The following FSTL5 variants were observed in gnomAD, a reference collection of about 807,000 sequenced individuals.
FSTL5 encodes the protein follistatin like 5.
FSTL5 carries 62 observed loss-of-function variants against 89.1 expected under a neutral mutation model. That is an observed-to-expected ratio of 0.70 (90% confidence interval 0.57 to 0.86). The LOEUF is 0.86. FSTL5 is among the 40% of genes least tolerant of loss of function. The probability of loss-of-function intolerance (pLI) is 0.00; values close to 1 mark genes in which losing one functional copy is unlikely to be tolerated. For missense variants in FSTL5, 1,057 were observed against 1,001.6 expected, an observed-to-expected ratio of 1.06 and a Z score of -0.75; for synonymous variants, 383 against 346.2, an observed-to-expected ratio of 1.11 and a Z score of -1.18.
At chr4:161,937,898 A>G (rs916180297) in intron 3 of FSTL5, among the ~76,000 whole-genome samples, 1 of 152,040 alleles carries the variant, frequency 6.6e-6, no homozygotes, top group Non-Finnish European at 1.5e-5. Flanking sequence ...ATATTCCTGA[A>G]CTTTCAGATA....
At chr4:161,891,013 C>T (rs1010157722) in intron 4 of FSTL5, among the ~76,000 whole-genome samples, 3 of 152,098 alleles carry the variant, frequency 2.0e-5, no homozygotes, top group Non-Finnish European at 2.9e-5. Context: ...TTTCTTTTCC[C>T]TAGAACCCTA....
chr4:161,840,801 G>A (rs930440), intron 4 of FSTL5, among the ~76,000 whole-genome samples: 11,812 of 152,108 alleles, frequency 0.078, 531 homozygotes, highest in African/African-American at 0.12. Context: ...TTATTAACTC[G>A]TATGAATGAA....
At chr4:161,780,708 T>G (rs533707765) in intron 4 of FSTL5, among the ~76,000 whole-genome samples, 2 of 152,284 alleles carry the variant, frequency 1.3e-5, no homozygotes, top group South Asian at 4.1e-4. Context: ...TGGCAGTGCC[T>G]CTCCAAGTCA....
intron 11 of FSTL5, 116 bp downstream of exon 11, chr4:161,510,282 A>G (rs62324275): frequency 0.18 from 127,963 of 699,334 alleles, 13,093 homozygotes; most frequent in East Asian, 0.35. Context: ...AATACCATCA[A>G]TTAAAATATT....
intron 4 of FSTL5, among the ~76,000 whole-genome samples, chr4:161,789,173 CT>C (rs202200393): frequency 1.3e-5 from 2 of 151,698 alleles, no homozygotes; most frequent in African/African-American, 2.4e-5. Flanking sequence ...TCTTAAATTA[CT>C]TTTTTTTCCT....
At chr4:161,571,609 T>C (rs1183851858) in intron 8 of FSTL5, among the ~76,000 whole-genome samples, 1 of 152,082 alleles carries the variant, frequency 6.6e-6, no homozygotes, top group Non-Finnish European at 1.5e-5. Context: ...ATTGAGAACC[T>C]TTATAAATAG....
intron 4 of FSTL5, among the ~76,000 whole-genome samples, chr4:161,830,669 T>C (rs1730815906): frequency 1.3e-5 from 2 of 151,984 alleles, no homozygotes; most frequent in South Asian, 4.1e-4. Flanking sequence ...TACAATTAAA[T>C]AAAAAGTGTC....
At chr4:161,676,145 G>A (rs191573812) in intron 6 of FSTL5, among the ~76,000 whole-genome samples, 103 of 152,174 alleles carry the variant, frequency 6.8e-4, no homozygotes, top group Non-Finnish European at 2.1e-4. Context: ...AAAATGTTTA[G>A]TAGGCATTCC....
chr4:161,657,357 T>C (rs908159023), intron 6 of FSTL5, among the ~76,000 whole-genome samples: 3 of 152,222 alleles, frequency 2.0e-5, no homozygotes, highest in Admixed American at 6.5e-5. Context: ...TTCTACATTA[T>C]GATTTGAGTC....
intron 8 of FSTL5, among the ~76,000 whole-genome samples, chr4:161,554,326 A>C (rs907613616): frequency 6.6e-6 from 1 of 151,582 alleles, no homozygotes; most frequent in Non-Finnish European, 1.5e-5. Context: ...TCTCTACATT[A>C]GGAAGAATCT....
At chr4:161,394,862 G>T (rs1206341718) in intron 15 of FSTL5, among the ~76,000 whole-genome samples, 2 of 152,146 alleles carry the variant, frequency 1.3e-5, no homozygotes, top group Non-Finnish European at 2.9e-5. Context: ...TGCTTTTAGG[G>T]TCTTCAAATT....
At chr4:161,634,180 A>T (rs917960483) in intron 7 of FSTL5, among the ~76,000 whole-genome samples, 1 of 152,204 alleles carries the variant, frequency 6.6e-6, no homozygotes. Context: ...CCATTTGTTC[A>T]TTTCCAAGTG....
intron 3 of FSTL5, among the ~76,000 whole-genome samples, chr4:161,973,516 C>G (rs1735543430): frequency 6.6e-6 from 1 of 152,118 alleles, no homozygotes; most frequent in Non-Finnish European, 1.5e-5. Context: ...GCAATAGAAA[C>G]AATCCTAAAT....
chr4:161,409,276 G>T (rs539306696), intron 15 of FSTL5, among the ~76,000 whole-genome samples: 1 of 152,110 alleles, frequency 6.6e-6, no homozygotes, highest in Non-Finnish European at 1.5e-5. Flanking sequence ...TTAAAGAAAA[G>T]AAATTTCAAT....
At chr4:161,518,833 A>G (rs1730928255) in intron 10 of FSTL5, among the ~76,000 whole-genome samples, 1 of 152,202 alleles carries the variant, frequency 6.6e-6, no homozygotes. Context: ...GTCTTTGCAA[A>G]TGTAGCTTGG....
At chr4:161,991,250 C>T (rs752521587) in intron 3 of FSTL5, among the ~76,000 whole-genome samples, 1 of 152,246 alleles carries the variant, frequency 6.6e-6, no homozygotes, top group Non-Finnish European at 1.5e-5. Flanking sequence ...TCATTTCATA[C>T]GATGCACATA....
intron 7 of FSTL5, among the ~76,000 whole-genome samples, chr4:161,593,019 CTTCT>C (rs1165333452): frequency 1.3e-5 from 2 of 152,008 alleles, no homozygotes; most frequent in Non-Finnish European, 2.9e-5. Context: ...GAGGATTTAC[CTTCT>C]AAGAGTTTTT....
chr4:162,046,838 G>A (rs1473248418), intron 2 of FSTL5, among the ~76,000 whole-genome samples: 2 of 152,096 alleles, frequency 1.3e-5, no homozygotes, highest in African/African-American at 2.4e-5. Context: ...TCTATAATAT[G>A]TTTATCCCTT....
chr4:161,684,639 G>T (rs1371490918), intron 6 of FSTL5, among the ~76,000 whole-genome samples: 3 of 151,966 alleles, frequency 2.0e-5, no homozygotes, highest in Non-Finnish European at 1.5e-5. Flanking sequence ...TGATTTGTTT[G>T]AGTTCCTTGT....
Sources: gnomAD v4.1 joint callset for allele counts (sites outside exome capture counted in the v4.1 genomes callset) on GRCh38, gnomAD v4.1.1 for gene constraint, MANE v1.5 for transcripts, NCBI Gene and HGNC (gene_info 2026-07-23, HGNC 2026-07-21) for gene names.